FBXL13: variants seen among roughly 807,000 people sequenced by gnomAD.
FBXL13 encodes the protein F-box and leucine rich repeat protein 13, also known as F-box and leucine-rich repeat protein 13.
In FBXL13, 67 loss-of-function variants were observed where a neutral mutation model predicts 83.6. The observed-to-expected ratio is 0.80, with a 90% CI of 0.66 to 0.98. The LOEUF (loss-of-function observed/expected upper bound fraction) is 0.98. Among genes scored for constraint, FBXL13 ranks in the 50% least tolerant of loss-of-function variants. The pLI is 0.00. For synonymous variants in FBXL13, 272 were observed against 299.5 expected (o/e 0.91, Z 0.95); for missense variants, 822 against 866.5 (o/e 0.95, Z 0.64).
chr7:102,997,046 TA>T (rs1236829772), intron 6 of FBXL13, among the ~76,000 whole-genome samples: 7 of 152,214 alleles, frequency 4.6e-5, no homozygotes, highest in African/African-American at 1.4e-4. Context: ...GATGTGTTCA[TA>T]AAAAACGTGA....
intron 8 of FBXL13, among the ~76,000 whole-genome samples, chr7:102,937,046 C>T (rs78533620): frequency 0.012 from 1,894 of 152,062 alleles, 44 homozygotes; most frequent in African/African-American, 0.043. Context: ...AAATTCATAC[C>T]CCCTGCTTTA....
chr7:102,844,453 C>A (rs1803574927), intron 17 of FBXL13, among the ~76,000 whole-genome samples: 1 of 152,136 alleles, frequency 6.6e-6, no homozygotes, highest in Non-Finnish European at 1.5e-5. Flanking sequence ...GCTCCCTTAG[C>A]CTGCCTGCGG....
At chr7:103,012,877 G>A (rs1371613120) in intron 6 of FBXL13, among the ~76,000 whole-genome samples, 2 of 152,142 alleles carry the variant, frequency 1.3e-5, no homozygotes, top group Non-Finnish European at 2.9e-5. Context: ...AAACCCAATG[G>A]TATACTGTCT....
chr7:102,854,384 G>GC (rs1805721821), intron 17 of FBXL13, among the ~76,000 whole-genome samples: 1 of 151,982 alleles, frequency 6.6e-6, no homozygotes, highest in Non-Finnish European at 1.5e-5. Context: ...GGTGGGGGGA[G>GC]AGGGGAGGGA....
chr7:103,057,597 A>C (rs1003154515), intron 1 of FBXL13, among the ~76,000 whole-genome samples: 1 of 152,206 alleles, frequency 6.6e-6, no homozygotes. Context: ...TACATTTGAA[A>C]AATTGTAGCT....
intron 14 of FBXL13, 47 bp downstream of exon 15, chr7:102,883,258 A>C: frequency 6.4e-7 from 1 of 1,554,610 alleles, no homozygotes; most frequent in Non-Finnish European, 8.7e-7. Flanking sequence ...CCTGGCACAT[A>C]CTAGATAATC....
At chr7:103,068,649 C>T (rs1359785307) in intron 1 of FBXL13, among the ~76,000 whole-genome samples, 1 of 152,138 alleles carries the variant, frequency 6.6e-6, no homozygotes, top group Non-Finnish European at 1.5e-5. Flanking sequence ...GGAAAGAGGA[C>T]AGGGCTGGGC....
At chr7:102,942,453 G>T in intron 8 of FBXL13, 1 of 852,896 alleles carries the variant, frequency 1.2e-6, no homozygotes, top group South Asian at 2.6e-5. Context: ...CCTACTAGGG[G>T]GTTTTTACCT....
At chr7:102,999,662 A>G (rs1456283488) in intron 6 of FBXL13, among the ~76,000 whole-genome samples, 1 of 152,020 alleles carries the variant, frequency 6.6e-6, no homozygotes, top group Admixed American at 6.6e-5. Context: ...GTATCTAGGA[A>G]TGTATCCATT....
chr7:102,896,263 A>G (rs950519884), intron 11 of FBXL13, among the ~76,000 whole-genome samples: 2 of 152,242 alleles, frequency 1.3e-5, no homozygotes, highest in Non-Finnish European at 2.9e-5. Context: ...GGGTTTTTAA[A>G]GGATGCCTCT....
intron 1 of FBXL13, among the ~76,000 whole-genome samples, chr7:103,072,083 T>C (rs1357522843): frequency 6.6e-6 from 1 of 151,880 alleles, no homozygotes; most frequent in African/African-American, 2.4e-5. Flanking sequence ...TTTGGGAGGC[T>C]GAGGCAGGAG....
intron 11 of FBXL13, among the ~76,000 whole-genome samples, chr7:102,909,733 A>T (rs909908039): frequency 7.2e-5 from 11 of 152,140 alleles, no homozygotes; most frequent in Non-Finnish European, 5.9e-5. Context: ...CTGGTGCCCT[A>T]TCCTGCCGTG....
intron 6 of FBXL13, among the ~76,000 whole-genome samples, chr7:103,004,191 A>G (rs1190876114): frequency 1.3e-5 from 2 of 152,106 alleles, no homozygotes; most frequent in African/African-American, 4.8e-5. Flanking sequence ...TTTTTCTAAG[A>G]TATGGTTGTT....
intron 6 of FBXL13, among the ~76,000 whole-genome samples, chr7:103,017,993 G>C (rs911475800): frequency 2.6e-5 from 4 of 151,898 alleles, no homozygotes; most frequent in African/African-American, 7.3e-5. Flanking sequence ...GATACTCCTC[G>C]AGAAGAGCAA....
chr7:102,867,661 A>G (rs41501847), intron 16 of FBXL13, among the ~76,000 whole-genome samples: 27,616 of 124,720 alleles, frequency 0.22, 3,494 homozygotes, highest in East Asian at 0.59. Flanking sequence ...GGAGTGATAG[A>G]CTTAGACATA....
chr7:102,895,641 A>G (rs1217547060), intron 11 of FBXL13, among the ~76,000 whole-genome samples: 1 of 152,172 alleles, frequency 6.6e-6, no homozygotes, highest in East Asian at 1.9e-4. Flanking sequence ...TTGAAGATAC[A>G]TGAATCTGTA....
chr7:102,968,560 T>C (rs544444257), intron 6 of FBXL13, among the ~76,000 whole-genome samples: 50 of 152,232 alleles, frequency 3.3e-4, no homozygotes, highest in Admixed American at 5.9e-4. Context: ...AAAGGATTTC[T>C]GGGAAAGAGC....
intron 2 of FBXL13, among the ~76,000 whole-genome samples, chr7:103,033,703 T>G (rs1794767569): frequency 1.3e-5 from 2 of 152,124 alleles, no homozygotes; most frequent in East Asian, 1.9e-4. Context: ...AAAGGCAATG[T>G]GGACCCAAAG....
At chr7:103,057,059 C>T (rs996672776) in intron 1 of FBXL13, among the ~76,000 whole-genome samples, 5 of 151,952 alleles carry the variant, frequency 3.3e-5, no homozygotes, top group African/African-American at 9.7e-5. Context: ...GATATTAGTC[C>T]TTTGTTGGAT....
Sources: gnomAD v4.1 joint callset for allele counts (sites outside exome capture counted in the v4.1 genomes callset) on GRCh38, gnomAD v4.1.1 for gene constraint, MANE v1.5 for transcripts, NCBI Gene and HGNC (gene_info 2026-07-23, HGNC 2026-07-21) for gene names.